The following PDE3A variants were observed in gnomAD, a reference collection of about 807,000 sequenced individuals.
The protein encoded by PDE3A is phosphodiesterase 3A, also known as cGMP-inhibited 3',5'-cyclic phosphodiesterase 3A.
PDE3A carries 43 observed loss-of-function variants against 98.3 expected under a neutral mutation model. That is an observed-to-expected ratio of 0.44 (90% CI 0.34 to 0.56). PDE3A has a LOEUF of 0.56. Ranked by LOEUF, PDE3A falls within the 20% of genes least tolerant of loss-of-function variation. The pLI is 0.01. For missense variants in PDE3A, 1,427 were observed against 1,440.7 expected (o/e 0.99, Z 0.15); for synonymous variants, 663 against 567.9 (o/e 1.17, Z -2.38).
chr12:20,595,645 G>A (rs1483995167), intron 2 of PDE3A, among the ~76,000 whole-genome samples: 1 of 152,148 alleles, frequency 6.6e-6, no homozygotes, highest in East Asian at 1.9e-4. Context: ...AATATAGCAA[G>A]TTTAAAGTAT....
At chr12:20,423,690 A>G (rs1405308206) in intron 1 of PDE3A, among the ~76,000 whole-genome samples, 2 of 152,028 alleles carry the variant, frequency 1.3e-5, no homozygotes, top group Non-Finnish European at 2.9e-5. Context: ...CATCCTTCTT[A>G]TACCACCGGT....
At chr12:20,452,797 T>C (rs1945089489) in intron 1 of PDE3A, among the ~76,000 whole-genome samples, 4 of 152,126 alleles carry the variant, frequency 2.6e-5, no homozygotes, top group East Asian at 1.9e-4. Context: ...AGCAAACACA[T>C]GGAAGGGAAG....
intron 1 of PDE3A, among the ~76,000 whole-genome samples, chr12:20,530,292 T>C (rs1451977194): frequency 2.6e-5 from 4 of 152,170 alleles, no homozygotes; most frequent in Non-Finnish European, 5.9e-5. Flanking sequence ...CCATAATTCA[T>C]AGTAGTCAAT....
intron 4 of PDE3A, among the ~76,000 whole-genome samples, chr12:20,620,786 C>G (rs142962892): frequency 2.0e-5 from 3 of 150,822 alleles, no homozygotes; most frequent in African/African-American, 7.3e-5. Flanking sequence ...GGTAATTTGA[C>G]TAGATCATTT....
intron 1 of PDE3A, among the ~76,000 whole-genome samples, chr12:20,517,202 TTG>T (rs1273030800): frequency 3.9e-5 from 6 of 152,234 alleles, no homozygotes; most frequent in African/African-American, 1.2e-4. Flanking sequence ...TTTGTTGTAC[TTG>T]TTATCATTAG....
chr12:20,491,547 G>A (rs748102985), intron 1 of PDE3A, among the ~76,000 whole-genome samples: 32 of 152,114 alleles, frequency 2.1e-4, no homozygotes, highest in Non-Finnish European at 4.1e-4. Flanking sequence ...CTTGGATCCC[G>A]CTAGTCTTGG....
In PDE3A at chr12:20,680,408, T is replaced by A; in HGVS notation, c.*137T>A. 2.2e-6 allele frequency: 2 copies of A among 908,382 alleles called. No homozygotes were observed. Among genetic ancestry groups the A allele is most frequent in the Non-Finnish European group, 3.3e-6 (2 of 599,992 alleles). The allele number at this position is 908,382 out of a possible 1,614,324, so 56.3% of individuals were successfully genotyped here. A position where few individuals can be genotyped will look rare whatever the true frequency, so the allele number is the denominator to read the frequency against. Reference sequence around the variant, plus strand: ...TATTGCATTTTGGGATTCTTCGCATTTTGTGTGTATATTTTTACAGTGAGG... The same window carrying A: ...TATTGCATTTTGGGATTCTTCGCATATTGTGTGTATATTTTTACAGTGAGG... On this transcript the variant is annotated 3_prime_UTR_variant, in exon 16 of 16. Transcript: ENST00000359062.
At chr12:20,386,549 C>T (rs930762436) in intron 1 of PDE3A, among the ~76,000 whole-genome samples, 1 of 151,502 alleles carries the variant, frequency 6.6e-6, no homozygotes, top group Non-Finnish European at 1.5e-5. Context: ...CCATGTTGGC[C>T]AGACTGGTCT....
chr12:20,548,889 T>C (rs1446159049), intron 1 of PDE3A, among the ~76,000 whole-genome samples: 2 of 152,194 alleles, frequency 1.3e-5, no homozygotes, highest in Non-Finnish European at 2.9e-5. Context: ...AATATCAACA[T>C]CATTTTGCAC....
chr12:20,596,839 A>G (rs189770970), intron 2 of PDE3A, among the ~76,000 whole-genome samples: 13 of 152,314 alleles, frequency 8.5e-5, no homozygotes, highest in Admixed American at 8.5e-4. Context: ...AATAATCTTT[A>G]TCTACTTAGG....
intron 1 of PDE3A, among the ~76,000 whole-genome samples, chr12:20,524,243 G>C (rs1946477871): frequency 6.6e-6 from 1 of 152,228 alleles, no homozygotes; most frequent in Admixed American, 6.5e-5. Flanking sequence ...TTTCGTAGCA[G>C]TTGCGGCTGC....
chr12:20,560,365 G>A (rs930816235), intron 2 of PDE3A, among the ~76,000 whole-genome samples: 1 of 152,166 alleles, frequency 6.6e-6, no homozygotes, highest in Non-Finnish European at 1.5e-5. Flanking sequence ...ACCAGGTGGA[G>A]GAGAAATGAT....
chr12:20,549,634 C>G (rs1942145787), intron 1 of PDE3A, among the ~76,000 whole-genome samples: 1 of 151,914 alleles, frequency 6.6e-6, no homozygotes, highest in African/African-American at 2.4e-5. Context: ...ATGTAGATTT[C>G]TGTAACATTT....
intron 1 of PDE3A, among the ~76,000 whole-genome samples, chr12:20,506,621 T>A (rs1311903498): frequency 6.6e-6 from 1 of 152,104 alleles, no homozygotes; most frequent in Non-Finnish European, 1.5e-5. Context: ...ATTTATAATT[T>A]GGCTCATACA....
At chr12:20,451,481 C>T (rs187504968) in intron 1 of PDE3A, among the ~76,000 whole-genome samples, 114 of 152,222 alleles carry the variant, frequency 7.5e-4, no homozygotes, top group Non-Finnish European at 2.9e-5. Flanking sequence ...GCCATGTTGG[C>T]CAGGCTGGTC....
At chr12:20,384,507 C>G (rs2120561137) in intron 1 of PDE3A, among the ~76,000 whole-genome samples, 1 of 151,968 alleles carries the variant, frequency 6.6e-6, no homozygotes, top group South Asian at 2.1e-4. Context: ...GATACTCTAC[C>G]TATCTTTTTT....
At chr12:20,667,508 A>T (rs1945346567) in intron 15 of PDE3A, among the ~76,000 whole-genome samples, 1 of 152,204 alleles carries the variant, frequency 6.6e-6, no homozygotes, top group Non-Finnish European at 1.5e-5. Flanking sequence ...CAATTTTCCC[A>T]GCACCACTTA....
intron 15 of PDE3A, among the ~76,000 whole-genome samples, chr12:20,659,970 A>G (rs1945126002): frequency 6.6e-6 from 1 of 152,202 alleles, no homozygotes; most frequent in Non-Finnish European, 1.5e-5. Flanking sequence ...AAAAGTCCAT[A>G]TACCAGGTGA....
At chr12:20,487,669 T>TA (rs34260784) in intron 1 of PDE3A, among the ~76,000 whole-genome samples, 76,454 of 148,782 alleles carry the variant, frequency 0.51, 20,545 homozygotes, top group Admixed American at 0.61. Context: ...AAAAAATAAA[T>TA]AAATAAAAAA....
Sources: gnomAD v4.1 joint callset for allele counts (sites outside exome capture counted in the v4.1 genomes callset) on GRCh38, gnomAD v4.1.1 for gene constraint, MANE v1.5 for transcripts, NCBI Gene and HGNC (gene_info 2026-07-23, HGNC 2026-07-21) for gene names.